The following EMC2 variants were observed in gnomAD, a reference collection of about 807,000 sequenced individuals.
The protein encoded by EMC2 is ER membrane protein complex subunit 2, also known as TPR repeat protein 35.
In EMC2, 37 loss-of-function variants were observed where a neutral mutation model predicts 51.6. The ratio of observed to expected loss-of-function variants is 0.72; its 90% CI spans 0.55 to 0.94. The LOEUF is 0.94. EMC2 is among the 40% of genes least tolerant of loss of function. The pLI is 0.00. For missense variants in EMC2, 359 were observed against 350.9 expected, an observed-to-expected ratio of 1.02 and a Z score of -0.18; for synonymous variants, 131 against 112.4, an observed-to-expected ratio of 1.17 and a Z score of -1.04.
In EMC2 at chr8:108,453,048, C is replaced by T. The variant is rs1819065271; in HGVS notation, c.220-14C>T. 2 of 1,537,114 alleles carry T rather than the reference C, an allele frequency of 1.3e-6. No homozygotes were observed. The highest frequency in any genetic ancestry group is 1.4e-5 in the African/African-American group (1 of 72,288). On this transcript the variant is annotated splice_polypyrimidine_tract_variant and intron_variant, in intron 3 of 10. Transcript: ENST00000220853. The stretch of plus-strand genomic sequence containing the variant: ...ATAAATAATGTAATTACTACTCAAC[C>T]CTTATTTTTTCAGTTTTGTCTTCAA...
intron 1 of EMC2, chr8:108,446,214 G>T (rs1404476254): frequency 2.7e-6 from 1 of 369,310 alleles, no homozygotes; most frequent in South Asian, 2.0e-5. Context: ...GTTGAGTGAT[G>T]AAGAACTCCA....
intron 4 of EMC2, among the ~76,000 whole-genome samples, chr8:108,455,552 C>T (rs536846289): frequency 5.3e-5 from 8 of 152,178 alleles, no homozygotes; most frequent in African/African-American, 1.9e-4. Context: ...ACATCTGGTC[C>T]TGATGCTTGT....
intron 5 of EMC2, among the ~76,000 whole-genome samples, chr8:108,463,463 T>C (rs769762091): frequency 1.7e-4 from 26 of 152,276 alleles, no homozygotes; most frequent in Admixed American, 5.9e-4. Context: ...GAAAAAATTA[T>C]ATCCATTGAG....
chr8:108,485,287 A>G (rs1811112529), intron 10 of EMC2, among the ~76,000 whole-genome samples: 1 of 151,468 alleles, frequency 6.6e-6, no homozygotes, highest in Non-Finnish European at 1.5e-5. Flanking sequence ...CAGCATTGTT[A>G]CTTGAAGAAA....
intron 1 of EMC2, chr8:108,446,314 G>A (rs1160668941): frequency 1.4e-5 from 6 of 423,560 alleles, no homozygotes; most frequent in Non-Finnish European, 1.4e-5. Flanking sequence ...AGGAATCATT[G>A]GGTATCTTAA....
chr8:108,469,624 G>C (rs563325538), intron 5 of EMC2, among the ~76,000 whole-genome samples: 2 of 152,172 alleles, frequency 1.3e-5, no homozygotes, highest in Non-Finnish European at 2.9e-5. Context: ...TGCATCAAAA[G>C]TAAAGCATAT....
chr8:108,473,634 G>A (rs1405508814), intron 7 of EMC2, among the ~76,000 whole-genome samples: 1 of 150,300 alleles, frequency 6.7e-6, no homozygotes, highest in Non-Finnish European at 1.5e-5. Context: ...TGTGATTATA[G>A]TTCCTTTTCA....
intron 7 of EMC2, chr8:108,475,025 T>A (rs1340762190): frequency 6.6e-6 from 1 of 151,956 alleles, no homozygotes; most frequent in Non-Finnish European, 1.5e-5. Flanking sequence ...TAGATCCCTT[T>A]GTATACTGGT....
At chr8:108,467,561 T>A (rs1012100745) in intron 5 of EMC2, among the ~76,000 whole-genome samples, 3 of 152,092 alleles carry the variant, frequency 2.0e-5, no homozygotes, top group East Asian at 1.9e-4. Flanking sequence ...TTTTCTTTTT[T>A]AAAAATGTCT....
rs1410737433 is a variant in EMC2, at chr8:108,487,979, A to G, written c.*1381A>G. Among the ~76,000 whole-genome samples, 1 of 152,102 alleles carries G rather than the reference A, an allele frequency of 6.6e-6. No individual in the cohort carries two copies. The highest frequency in any genetic ancestry group is 2.4e-5 in the African/African-American group (1 of 41,430). ...TTGTACACATGAAATTAGTAACTGC[A>G]TTTTCAACATGATGAACCATTTGAA... On this transcript the variant is annotated 3_prime_UTR_variant, in exon 11 of 11. Coordinates refer to ENST00000220853, the MANE Select transcript of EMC2 (RefSeq NM_014673.5).
At chr8:108,446,028 A>G (rs1818870827) in intron 1 of EMC2, 1 of 152,794 alleles carries the variant, frequency 6.5e-6, no homozygotes, top group East Asian at 1.9e-4. Flanking sequence ...TGACTTTATC[A>G]TATGGTCTTT....
At chr8:108,484,967 T>A (rs1165921729) in intron 10 of EMC2, among the ~76,000 whole-genome samples, 5 of 152,116 alleles carry the variant, frequency 3.3e-5, no homozygotes, top group African/African-American at 1.2e-4. Context: ...TCTTGATTTT[T>A]ATGAGAAGCT....
rs550180155 is a variant in EMC2, at chr8:108,463,802, G to T, written c.364-6024G>T. On this transcript the variant is annotated intron_variant, in intron 5 of 10. Transcript: ENST00000220853. ...ACACAGGAAATGCACCACTGAGACT[G>T]CCTAGAAAAGTCTGACCAGCTAAAT... Among the ~76,000 whole-genome samples the T allele has an allele frequency of 4.6e-5, 7 of 152,090 alleles. No individual in the cohort carries two copies. In the South Asian group the frequency reaches 1.5e-3, roughly 32 times the overall value.
At chr8:108,472,603 A>G (rs747925092) in intron 7 of EMC2, among the ~76,000 whole-genome samples, 1 of 151,676 alleles carries the variant, frequency 6.6e-6, no homozygotes, top group Admixed American at 6.6e-5. Flanking sequence ...ATGCATATCT[A>G]CAGGTTTTTT....
intron 10 of EMC2, among the ~76,000 whole-genome samples, chr8:108,483,800 C>T (rs773859122): frequency 4.6e-5 from 7 of 151,926 alleles, no homozygotes; most frequent in Admixed American, 6.6e-5. Context: ...AACAAAAATA[C>T]AGTATTTGTG....
At chr8:108,482,017 G>T (rs574491008) in intron 10 of EMC2, among the ~76,000 whole-genome samples, 3 of 152,126 alleles carry the variant, frequency 2.0e-5, no homozygotes, top group Admixed American at 2.0e-4. Flanking sequence ...GAATATATGT[G>T]CAGTTCTGTA....
At chr8:108,471,581 G>T (rs1435596942) in intron 7 of EMC2, among the ~76,000 whole-genome samples, 1 of 151,518 alleles carries the variant, frequency 6.6e-6, no homozygotes, top group South Asian at 2.1e-4. Flanking sequence ...ATTATCTTCC[G>T]TAGTTTATAC....
chr8:108,449,201 CCTCCAGG>C (rs1244944099), intron 1 of EMC2, among the ~76,000 whole-genome samples: 18 of 151,910 alleles, frequency 1.2e-4, no homozygotes, highest in Admixed American at 1.1e-3. Context: ...GCAGCATCAA[CCTCCAGG>C]CTCAAGTGAT....
chr8:108,462,878 T>C (rs1819364514), intron 5 of EMC2, among the ~76,000 whole-genome samples: 1 of 151,516 alleles, frequency 6.6e-6, no homozygotes, highest in African/African-American at 2.4e-5. Flanking sequence ...AGCTATGGGA[T>C]TACAGGAGTG....
Sources: gnomAD v4.1 joint callset for allele counts (sites outside exome capture counted in the v4.1 genomes callset) on GRCh38, gnomAD v4.1.1 for gene constraint, MANE v1.5 for transcripts, NCBI Gene and HGNC (gene_info 2026-07-23, HGNC 2026-07-21) for gene names.